Variants in KIF15 observed in about 807,000 individuals in gnomAD.
KIF15 encodes kinesin-like protein KIF15.
A neutral mutation model predicts 190.6 loss-of-function variants in KIF15; 140 were observed. The observed-to-expected ratio is 0.73, with a 90% CI of 0.64 to 0.84. The LOEUF (loss-of-function observed/expected upper bound fraction) is 0.84. Among genes scored for constraint, KIF15 ranks in the 40% least tolerant of loss-of-function variants. The probability of loss-of-function intolerance (pLI) is 0.00; values close to 1 mark genes in which losing one functional copy is unlikely to be tolerated. For missense variants in KIF15, 1,372 were observed against 1,584.4 expected, an observed-to-expected ratio of 0.87 and a Z score of 2.28; for synonymous variants, 528 against 551.3, an observed-to-expected ratio of 0.96 and a Z score of 0.59.
rs77808243 is a variant in KIF15 at position 44,851,821 on chromosome 3, G to A, written c.3841G>A (p.Glu1281Lys). 1 of 1,613,866 alleles carries A rather than the reference G, an allele frequency of 6.2e-7. No individual in the cohort carries two copies. Among genetic ancestry groups the A allele is most frequent in the South Asian group, 1.1e-5 (1 of 91,046 alleles). ...EEVQSALYNK[E>K]MECLRMTDEV... ...AGTCCAAAGTGCCCTTTACAACAAAGAGATGGAATGCCTTAGAATGACTGA... is the reference window on the plus strand; with the variant it reads ...AGTCCAAAGTGCCCTTTACAACAAAAAGATGGAATGCCTTAGAATGACTGA... Residue 1281 changes from glutamate to lysine, a missense_variant, in exon 33 of 35, where the codon GAG (glutamate) becomes AAG (lysine). By Grantham distance (56) the Glu-to-Lys change is moderately conservative. Coordinates refer to ENST00000326047, the MANE Select transcript of KIF15 (RefSeq NM_020242.3).
chr3:44,811,232 A>G (rs1416054206), intron 17 of KIF15, among the ~76,000 whole-genome samples, 189 bp downstream of exon 17: 1 of 152,202 alleles, frequency 6.6e-6, no homozygotes, highest in African/African-American at 2.4e-5. Context: ...TCTCTACTTT[A>G]CAATCTTTAG....
At chr3:44,827,924 C>A (rs936747045) in intron 23 of KIF15, among the ~76,000 whole-genome samples, 4 of 152,072 alleles carry the variant, frequency 2.6e-5, no homozygotes, top group Non-Finnish European at 4.4e-5. Flanking sequence ...AGTGATCCAC[C>A]CACCTTGGCC....
In KIF15 at chr3:44,763,833, G is replaced by A. The variant is rs532153327; in HGVS notation, c.19+1949G>A. The stretch of plus-strand genomic sequence containing the variant: ...CTCCCAAGTAGCTGGGACTACAGGC[G>A]TGCACCACCATGCCCTGCTAATTTT... On this transcript the variant is annotated intron_variant, in intron 1 of 34. Transcript: ENST00000326047. 1.5e-4 allele frequency among the ~76,000 whole-genome samples: 23 copies of A among 151,930 alleles called. No homozygotes were observed. In the East Asian group the frequency reaches 3.9e-3, roughly 26 times the overall value.
In KIF15 at chr3:44,780,867, G is replaced by T; in HGVS notation, c.324-18G>T. The T allele has an allele frequency of 6.5e-7, 1 of 1,546,952 alleles. No individual in the cohort carries two copies. The highest frequency in any genetic ancestry group is 8.8e-7 in the Non-Finnish European group (1 of 1,130,046). ...TTAATTTTATGTGTAAAAATAATATGTAAAACATTTTTTACAGTGGACAGA... is the reference window on the plus strand; with the variant it reads ...TTAATTTTATGTGTAAAAATAATATTTAAAACATTTTTTACAGTGGACAGA... On this transcript the variant is annotated intron_variant, in intron 4 of 34. Coordinates refer to ENST00000326047, the MANE Select transcript of KIF15 (RefSeq NM_020242.3).
rs201953711 is a variant in KIF15, at chr3:44,867,755, ACT to A, written c.*60-5571_*60-5570del. 1.6e-3 allele frequency among the ~76,000 whole-genome samples: 249 copies of A among 152,200 alleles called. 2 individuals are homozygous for A. Among genetic ancestry groups the A allele is most frequent in the Admixed American group, 5.3e-3 (81 of 15,300 alleles). ...ATTCTTCAAAAAGCAGGAAGATACA[ACT>A]CTATAGTCATCTAAAAAGTTGAGGA... is the stretch of plus-strand genomic sequence containing the variant. On this transcript the variant is annotated intron_variant and NMD_transcript_variant, in intron 6 of 6. Transcript: ENST00000422209.
intron 1 of KIF15, among the ~76,000 whole-genome samples, chr3:44,763,288 C>T (rs981764088): frequency 6.6e-6 from 1 of 152,054 alleles, no homozygotes; most frequent in Non-Finnish European, 1.5e-5. Context: ...CTTTGTGCCC[C>T]GAAGGCTATC....
In KIF15 at chr3:44,784,942, G is replaced by A; in HGVS notation, c.459G>A (p.Lys153=). The change falls in exon 6 of 35, where the codon AAG becomes AAA. Residue 153 remains lysine, a splice_region_variant and synonymous_variant. Coordinates refer to ENST00000326047, the MANE Select transcript of KIF15 (RefSeq NM_020242.3). ...LFSLIDREKE[K]AGAGKSFLCK... ...CCTTAATTGATCGTGAAAAAGAAAAGGTAAAACAATGTAAAAATAAAGTGG... is the reference window on the plus strand; with the variant it reads ...CCTTAATTGATCGTGAAAAAGAAAAAGTAAAACAATGTAAAAATAAAGTGG... The A allele has an allele frequency of 2.7e-6, 4 of 1,483,084 alleles. No individual in the cohort carries two copies. The highest frequency in any genetic ancestry group is 3.7e-6 in the Non-Finnish European group (4 of 1,078,832). The allele number at this position is 1,483,084 out of a possible 1,614,324, so 91.9% of individuals were successfully genotyped here. A position where few individuals can be genotyped will look rare whatever the true frequency, so the allele number is the denominator to read the frequency against.
intron 3 of KIF15, among the ~76,000 whole-genome samples, chr3:44,777,550 G>GCATGGTGGTGTGCA (rs1705951132): frequency 6.6e-6 from 1 of 152,064 alleles, no homozygotes; most frequent in African/African-American, 2.4e-5. Flanking sequence ...AATTAGCCAG[G>GCATGGTGGTGTGCA]CATGGTGGTG....
chr3:44,786,299 T>G, intron 6 of KIF15, 96 bp from the exon 7 acceptor site: 2 of 965,700 alleles, frequency 2.1e-6, no homozygotes, highest in Non-Finnish European at 3.1e-6. Context: ...GCATAGGAAA[T>G]TTACATCTTG....
chr3:44,786,429 C>G lies in KIF15; in HGVS notation c.494C>G (p.Ser165Cys), dbSNP rs750463467. ...GAGKSFLCKCSFIEIYNEQIY... is the reference protein window; with the variant it reads ...GAGKSFLCKCCFIEIYNEQIY... Reference sequence around the variant, plus strand: ...GGAAAGAGTTTCCTTTGTAAGTGTTCCTTTATTGAAATCTACAACGAGCAG... The same window carrying G: ...GGAAAGAGTTTCCTTTGTAAGTGTTGCTTTATTGAAATCTACAACGAGCAG... Residue 165 changes from serine (S) to cysteine (C), a missense_variant, in exon 7 of 35, where the codon TCC becomes TGC. Ser to Cys is a moderately radical substitution (Grantham distance 112). Transcript: ENST00000326047. 1.2e-6 allele frequency: 2 copies of G among 1,610,236 alleles called. No homozygotes were observed. The highest frequency in any genetic ancestry group is 1.7e-6 in the Non-Finnish European group (2 of 1,177,474).
At chr3:44,854,629 T>C (rs1309163341), downstream of KIF15, among the ~76,000 whole-genome samples, 1 of 152,218 alleles carries the variant, frequency 6.6e-6, no homozygotes, top group East Asian at 1.9e-4. Context: ...CTGTATCAGC[T>C]GTAGAGCTGC....
rs1698594301 is a variant in KIF15 at position 44,841,364 on chromosome 3, TGC to T, written c.3585+127_3585+128del. On this transcript the variant is annotated intron_variant, in intron 29 of 34. Transcript: ENST00000326047. ...CCCAGTATCTGGCACTATAGGTATA[TGC>T]CACCATGCCCAGCCAGTAAATTTAA... is the stretch of plus-strand genomic sequence containing the variant. 21 of 602,176 alleles carry T rather than the reference TGC, an allele frequency of 3.5e-5. No homozygotes were observed. In the South Asian group the frequency reaches 5.1e-4, roughly 15 times the overall value. The allele number at this position is 602,176 out of a possible 1,614,324, so 37.3% of individuals were successfully genotyped here.
chr3:44,847,837 T>C (rs2125727368), intron 30 of KIF15, 148 bp from the exon 31 acceptor site: 1 of 581,730 alleles, frequency 1.7e-6, no homozygotes, highest in Non-Finnish European at 3.1e-6. Context: ...TTATCAACTG[T>C]ACTGACTTGA....
chr3:44,841,419 A>G (rs140131950), intron 29 of KIF15, among the ~76,000 whole-genome samples, 181 bp downstream of exon 29: 2,767 of 147,466 alleles, frequency 0.019, 74 homozygotes, highest in African/African-American at 0.065. Context: ...TTTTTTTGAG[A>G]CGGAGTCTGC....
rs1707279451 is a variant in KIF15, at chr3:44,801,546, A to G, written c.1299+20A>G. 7.0e-7 allele frequency: 1 copy of G among 1,434,962 alleles called. No individual in the cohort carries two copies. The allele number at this position is 1,434,962 out of a possible 1,614,324, so 88.9% of individuals were successfully genotyped here. A position where few individuals can be genotyped will look rare whatever the true frequency, so the allele number is the denominator to read the frequency against. ...AAGAAGGTAGGAAATGGAATTAGTAATAAAGGAGATTCAAGATAGTTAGTT... is the reference window on the plus strand; with the variant it reads ...AAGAAGGTAGGAAATGGAATTAGTAGTAAAGGAGATTCAAGATAGTTAGTT... On this transcript the variant is annotated intron_variant, in intron 12 of 34. Coordinates refer to ENST00000326047, the MANE Select transcript of KIF15 (RefSeq NM_020242.3).
downstream of KIF15, among the ~76,000 whole-genome samples, chr3:44,855,276 G>T (rs913135307): frequency 1.3e-5 from 2 of 152,202 alleles, no homozygotes; most frequent in East Asian, 1.9e-4. Context: ...AAAGGTGGAG[G>T]AGATTACAAA....
chr3:44,830,841 T>G, intron 25 of KIF15, 55 bp from the exon 26 acceptor site: 1 of 1,563,830 alleles, frequency 6.4e-7, no homozygotes, highest in South Asian at 1.2e-5. Flanking sequence ...CTTGTTATTT[T>G]AATCTAGAAA....
chr3:44,794,972 A>G (rs962506975), intron 8 of KIF15, among the ~76,000 whole-genome samples: 2 of 152,106 alleles, frequency 1.3e-5, no homozygotes, highest in Non-Finnish European at 2.9e-5. Context: ...AGAAAAAAAA[A>G]TGTATCCGTG....
At position 44,826,340 on chromosome 3, in the gene KIF15, G is replaced by T. The variant is rs577502016; in HGVS notation, c.2701-35G>T. The T allele has an allele frequency of 3.8e-6, 6 of 1,592,354 alleles. No individual in the cohort carries two copies. In the South Asian group the frequency reaches 6.7e-5, roughly 18 times the overall value. On this transcript the variant is annotated intron_variant, in intron 21 of 34. Coordinates refer to ENST00000326047, the MANE Select transcript of KIF15 (RefSeq NM_020242.3). Reference sequence around the variant, plus strand: ...CATGTTCGTTGACTATGCATTGCTAGTAACAGTTACTTAAAATCTAATGTT... The same window carrying T: ...CATGTTCGTTGACTATGCATTGCTATTAACAGTTACTTAAAATCTAATGTT...
Sources: gnomAD v4.1 joint callset for allele counts (sites outside exome capture counted in the v4.1 genomes callset) on GRCh38, gnomAD v4.1.1 for gene constraint, MANE v1.5 for transcripts, NCBI Gene and HGNC (gene_info 2026-07-23, HGNC 2026-07-21) for gene names.